SPATA7: variants seen among roughly 807,000 people sequenced by gnomAD.
SPATA7 encodes spermatogenesis associated 7, also known as spermatogenesis-associated protein 7.
In SPATA7, 43 loss-of-function variants were observed where a neutral mutation model predicts 51.8. The observed-to-expected ratio is 0.83, with a 90% CI of 0.65 to 1.07. SPATA7 has a LOEUF of 1.07. Among genes scored for constraint, SPATA7 ranks in the 50% least tolerant of loss-of-function variants. The pLI is 0.00. For missense variants in SPATA7, 683 were observed against 701.3 expected (o/e 0.97, Z 0.30); for synonymous variants, 230 against 252.8 (o/e 0.91, Z 0.86).
intron 3 of SPATA7, among the ~76,000 whole-genome samples, chr14:88,449,139 C>T (rs2077234184): frequency 6.6e-6 from 1 of 151,944 alleles, no homozygotes; most frequent in Admixed American, 6.6e-5. Context: ...TTCTCTAACT[C>T]CTTGAGGTGT....
chr14:88,396,075 A>G, intron 3 of SPATA7, 81 bp from the exon 4 acceptor site: 1 of 1,141,884 alleles, frequency 8.8e-7, no homozygotes. Flanking sequence ...CAAGGTCTGG[A>G]ACATTTTGTG....
At chr14:88,437,480 CTAG>C (rs1281582459) in intron 10 of SPATA7, 60 bp from the exon 11 acceptor site, 3 of 1,150,042 alleles carry the variant, frequency 2.6e-6, no homozygotes, top group Non-Finnish European at 2.6e-6. Context: ...TGTTACGTAG[CTAG>C]TTTATATTTA....
At position 88,408,487 on chromosome 14, in the gene SPATA7, T is replaced by C. The variant is rs573358066; in HGVS notation, c.239-8224T>C. ...CCTGAGACTTTGCTGAAGTTACTTA[T>C]CAGCTTAAGGAGATTTTGGGCTGAG... On this transcript the variant is annotated intron_variant, in intron 4 of 11. Coordinates refer to ENST00000393545, the MANE Select transcript of SPATA7 (RefSeq NM_018418.5). Among the ~76,000 whole-genome samples, 102 of 152,322 alleles carry C rather than the reference T, an allele frequency of 6.7e-4. 1 individual carries two copies. The highest frequency in any genetic ancestry group is 2.4e-3 in the African/African-American group (99 of 41,568).
At chr14:88,419,948 C>G (rs1044335019) in intron 5 of SPATA7, among the ~76,000 whole-genome samples, 5 of 152,166 alleles carry the variant, frequency 3.3e-5, no homozygotes, top group African/African-American at 1.2e-4. Context: ...CTCTTCAGTG[C>G]AGGTAGGACC....
In SPATA7 at chr14:88,463,781, C is replaced by A. The variant is rs950658375; in HGVS notation, c.255-6066C>A. ...CAAGGACTTCAAATGTTTTCTAAAA[C>A]TCTCTCTACCCAAGTAGACATGCAA... On this transcript the variant is annotated intron_variant, in intron 4 of 4. Transcript: ENST00000556406. 3.3e-5 allele frequency among the ~76,000 whole-genome samples: 5 copies of A among 151,920 alleles called. No homozygotes were observed. The East Asian group carries it at 7.7e-4, about 23-fold the overall frequency.
chr14:88,416,531 A>G, intron 4 of SPATA7, 180 bp from the exon 5 acceptor site: 1 of 550,438 alleles, frequency 1.8e-6, no homozygotes, highest in Non-Finnish European at 3.2e-6. Context: ...CTAGAGGCAC[A>G]TGTGAAATAA....
rs758655413 is a variant in SPATA7 at position 88,469,006 on chromosome 14, A to T, written c.255-841A>T. 6.2e-7 allele frequency: 1 copy of T among 1,614,124 alleles called. No homozygotes were observed. Among genetic ancestry groups the T allele is most frequent in the East Asian group, 2.2e-5 (1 of 44,890 alleles). ...CAGCACTGCAGTGGACCAACAACGG[A>T]GGGTTGGGGCTTTGGGGATCACTTG... On this transcript the variant is annotated intron_variant, in intron 4 of 4. Coordinates refer to the SPATA7 transcript ENST00000556406. This position sits in a 1 kb window ranked among gnomAD's most constrained non-coding sequence, Gnocchi z 4.3.
At chr14:88,399,717 G>T (rs1292410728) in intron 4 of SPATA7, among the ~76,000 whole-genome samples, 1 of 152,108 alleles carries the variant, frequency 6.6e-6, no homozygotes, top group Non-Finnish European at 1.5e-5. Flanking sequence ...ACCGCGCCTG[G>T]CCTTAAAATG....
rs984288203 is a variant in SPATA7 at position 88,385,713 on chromosome 14, C to T, written c.-106C>T. On this transcript the variant is annotated 5_prime_UTR_variant, in exon 1 of 12. Transcript: ENST00000393545. ...ACGGTTTCCCTGCTGCTGCAGCCCC[C>T]GTCGGCTCCTCTTTTCCAGTCCTCC... is the stretch of plus-strand genomic sequence containing the variant. The T allele has an allele frequency of 4.5e-6, 5 of 1,103,370 alleles. No homozygotes were observed. The highest frequency in any genetic ancestry group is 4.0e-5 in the Admixed American group (2 of 50,530). The allele number at this position is 1,103,370 out of a possible 1,614,324, so 68.3% of individuals were successfully genotyped here.
At chr14:88,406,764 C>T (rs1431908311) in intron 4 of SPATA7, 1 of 152,156 alleles carries the variant, frequency 6.6e-6, no homozygotes, top group Non-Finnish European at 1.5e-5. Flanking sequence ...ATCCCTTCCC[C>T]AGTCCCCCAA....
Position 88,391,378 on chromosome 14 carries a change from A to C in SPATA7, c.20-3A>C. ...ATTTATGATTTTTTTTTCTTGTTAA[A>C]AGTCAGAGCAACCTCTGTCCTTCCC... On this transcript the variant is annotated splice_region_variant and splice_polypyrimidine_tract_variant and intron_variant, in intron 1 of 11. Coordinates refer to ENST00000393545, the MANE Select transcript of SPATA7 (RefSeq NM_018418.5). 6.2e-7 allele frequency: 1 copy of C among 1,611,536 alleles called. No individual in the cohort carries two copies. The highest frequency in any genetic ancestry group is 8.5e-7 in the Non-Finnish European group (1 of 1,178,710).
At chr14:88,456,576 T>C (rs1198445414), downstream of SPATA7, among the ~76,000 whole-genome samples, 2 of 152,154 alleles carry the variant, frequency 1.3e-5, no homozygotes, top group Admixed American at 1.3e-4. Flanking sequence ...GGGTTGTTTG[T>C]TTTTTTCTTG....
Position 88,437,597 on chromosome 14 carries a change from G to A in SPATA7, c.1215G>A (p.Glu405=), listed in dbSNP as rs768028061. The A allele has an allele frequency of 1.2e-6, 2 of 1,605,646 alleles. No homozygotes were observed. Among genetic ancestry groups the A allele is most frequent in the African/African-American group, 2.7e-5 (2 of 74,664 alleles). ...TAAAACAAAATAAACATTTGGAGGAGGTTTGTCTTTCCTTATAACTTCATT... is the reference window on the plus strand; with the variant it reads ...TAAAACAAAATAAACATTTGGAGGAAGTTTGTCTTTCCTTATAACTTCATT... ...RHIKQNKHLE[E]EKMRHLLHVL... is the part of the protein sequence containing the mutation. Residue 405 remains glutamate, a splice_region_variant and synonymous_variant, in exon 11 of 12, where the codon GAG becomes GAA. Coordinates refer to ENST00000393545, the MANE Select transcript of SPATA7 (RefSeq NM_018418.5).
chr14:88,440,730 A>G (rs558451589), downstream of SPATA7, among the ~76,000 whole-genome samples: 10 of 152,184 alleles, frequency 6.6e-5, no homozygotes, highest in South Asian at 1.7e-3. Flanking sequence ...GTTTTCTCAT[A>G]TCTTGGAGAG....
At chr14:88,432,886 A>G (rs1301429573) in intron 9 of SPATA7, 8 of 384,526 alleles carry the variant, frequency 2.1e-5, no homozygotes, top group Non-Finnish European at 3.7e-5. Context: ...CTTGTTTTTT[A>G]CTGCTATGGA....
chr14:88,454,343 C>A (rs1275697733), intron 3 of SPATA7, among the ~76,000 whole-genome samples: 1 of 152,116 alleles, frequency 6.6e-6, no homozygotes, highest in African/African-American at 2.4e-5. Context: ...TTGTGTCCAC[C>A]TGGATAATCC....
In SPATA7 at chr14:88,386,021, C is replaced by T. The variant is rs1430735134; in HGVS notation, c.19+184C>T. 3 of 1,457,330 alleles carry T rather than the reference C, an allele frequency of 2.1e-6. No homozygotes were observed. The Admixed American group carries it at 7.9e-5, about 38-fold the overall frequency. 90.3% of individuals were successfully genotyped at this position (1,457,330 alleles called of 1,614,324 possible). A position where few individuals can be genotyped will look rare whatever the true frequency, so the allele number is the denominator to read the frequency against. ...AAAGGAAGAGGGAGAGCCTGCTTGC[C>T]AGCCTCGCAGGTCCGCTTCTTTGCC... On this transcript the variant is annotated intron_variant, in intron 1 of 11. Transcript: ENST00000393545.
chr14:88,412,962 T>G (rs2076382729), intron 4 of SPATA7, among the ~76,000 whole-genome samples: 1 of 152,164 alleles, frequency 6.6e-6, no homozygotes, highest in Admixed American at 6.6e-5. Context: ...TTAATCCATC[T>G]TGTAGCCTTG....
chr14:88,426,210 C>T, intron 5 of SPATA7, 22 bp from the exon 6 acceptor site: 1 of 1,544,082 alleles, frequency 6.5e-7, no homozygotes, highest in Non-Finnish European at 8.9e-7. Flanking sequence ...CAGTTGATGA[C>T]TGTCATATCG....
Sources: gnomAD v4.1 joint callset for allele counts (sites outside exome capture counted in the v4.1 genomes callset) on GRCh38, gnomAD v4.1.1 for gene constraint, Gnocchi (gnomAD v3.1) non-coding constraint, MANE v1.5 for transcripts, NCBI Gene and HGNC (gene_info 2026-07-23, HGNC 2026-07-21) for gene names.